CHN1: variants seen among roughly 807,000 people sequenced by gnomAD.
The protein encoded by CHN1 is chimerin 1, also known as N-chimaerin.
In CHN1, 37 loss-of-function variants were observed where a neutral mutation model predicts 59.5. The observed-to-expected ratio is 0.62, with a 90% CI of 0.48 to 0.82. The LOEUF (loss-of-function observed/expected upper bound fraction) is 0.82, where lower values mean the gene tolerates loss of function less well. Ranked by LOEUF, CHN1 falls within the 40% of genes least tolerant of loss-of-function variation. CHN1 has a pLI of 0.00. For synonymous variants in CHN1, 206 were observed against 200.4 expected (o/e 1.03, Z -0.24); for missense variants, 469 against 571.0 (o/e 0.82, Z 1.82).
At chr2:174,968,613 T>C (rs1032486798) in intron 1 of CHN1, among the ~76,000 whole-genome samples, 1 of 152,252 alleles carries the variant, frequency 6.6e-6, no homozygotes, top group Non-Finnish European at 1.5e-5. Flanking sequence ...TACTTGTTTT[T>C]CTTCCTGAGA....
At chr2:174,898,327 C>T (rs1001170951) in intron 5 of CHN1, among the ~76,000 whole-genome samples, 3 of 151,922 alleles carry the variant, frequency 2.0e-5, no homozygotes, top group South Asian at 2.1e-4. Flanking sequence ...TCTGGCCAGG[C>T]GCAGTGGCTC....
intron 7 of CHN1, among the ~76,000 whole-genome samples, chr2:174,840,207 C>G (rs1428516885): frequency 3.5e-5 from 4 of 113,872 alleles, no homozygotes; most frequent in African/African-American, 1.3e-4. Context: ...CCTGCTCTGT[C>G]TCCCAGGCTG....
chr2:174,897,569 TC>T (rs1218721673), intron 5 of CHN1, among the ~76,000 whole-genome samples: 1 of 151,494 alleles, frequency 6.6e-6, no homozygotes, highest in Non-Finnish European at 1.5e-5. Flanking sequence ...AATAAAGTAT[TC>T]CCCCCGCCTC....
chr2:174,929,444 G>A (rs113680343), intron 3 of CHN1, among the ~76,000 whole-genome samples: 4,261 of 152,082 alleles, frequency 0.028, 195 homozygotes, highest in African/African-American at 0.097. Flanking sequence ...CATGCATGGT[G>A]GCAAGTGCCT....
intron 8 of CHN1, among the ~76,000 whole-genome samples, chr2:174,818,632 T>C (rs1165516992): frequency 3.8e-5 from 5 of 131,960 alleles, no homozygotes; most frequent in African/African-American, 2.2e-4. Context: ...TTAAACCACA[T>C]TTTTTTTTAT....
At chr2:174,864,800 G>T (rs1219567925) in intron 6 of CHN1, among the ~76,000 whole-genome samples, 1 of 152,126 alleles carries the variant, frequency 6.6e-6, no homozygotes, top group African/African-American at 2.4e-5. Context: ...GAGTTATTGA[G>T]GCTACAGTGA....
At chr2:174,840,363 T>C (rs1489583237) in intron 7 of CHN1, among the ~76,000 whole-genome samples, 4 of 151,854 alleles carry the variant, frequency 2.6e-5, no homozygotes, top group Admixed American at 6.6e-5. Flanking sequence ...ACAAGGTCTC[T>C]CTATGTTGCC....
chr2:174,814,235 A>G (rs1685167499), intron 8 of CHN1, among the ~76,000 whole-genome samples: 1 of 152,182 alleles, frequency 6.6e-6, no homozygotes, highest in South Asian at 2.1e-4. Flanking sequence ...AAAAGTTATC[A>G]CCCCTAAGGA....
chr2:174,897,125 A>C (rs898155400), intron 5 of CHN1, among the ~76,000 whole-genome samples: 10 of 152,186 alleles, frequency 6.6e-5, no homozygotes, highest in Non-Finnish European at 1.3e-4. Context: ...AATGCTGGAT[A>C]ACCATTTGCA....
chr2:174,886,018 C>A lies in CHN1; in HGVS notation c.261-7890G>T, dbSNP rs535235569. Among the ~76,000 whole-genome samples the A allele has an allele frequency of 3.3e-5, 5 of 152,230 alleles. No individual in the cohort carries two copies. The South Asian group carries it at 1.0e-3, about 32-fold the overall frequency. The stretch of plus-strand genomic sequence containing the variant: ...AGTTGGTGATCAGTCCCATTAAAAG[C>A]TAATTGAAATCTTATTATAAATGAG... On this transcript the variant is annotated intron_variant, in intron 5 of 12. Transcript: ENST00000409900.
intron 5 of CHN1, among the ~76,000 whole-genome samples, chr2:174,883,367 A>C (rs1178784692): frequency 6.6e-6 from 1 of 152,200 alleles, no homozygotes; most frequent in African/African-American, 2.4e-5. Context: ...TAAATACCCA[A>C]AATTTAAATA....
At chr2:174,928,521 C>G (rs1256207863) in intron 3 of CHN1, among the ~76,000 whole-genome samples, 1 of 152,150 alleles carries the variant, frequency 6.6e-6, no homozygotes, top group Non-Finnish European at 1.5e-5. Flanking sequence ...AAAAGATAAT[C>G]TGAAGAACAG....
intron 3 of CHN1, among the ~76,000 whole-genome samples, chr2:174,933,473 G>C (rs1199897354): frequency 1.3e-5 from 2 of 152,064 alleles, no homozygotes; most frequent in Non-Finnish European, 2.9e-5. Context: ...GCTCCTAATG[G>C]GATGATGAGA....
At position 174,824,296 on chromosome 2, in the gene CHN1, A is replaced by T; in HGVS notation, c.712+138T>A. The T allele has an allele frequency of 4.0e-6, 2 of 501,428 alleles. 1 individual carries two copies. Among genetic ancestry groups the T allele is most frequent in the Admixed American group, 7.1e-5 (2 of 28,104 alleles). The allele number at this position is 501,428 out of a possible 1,614,324, so 31.1% of individuals were successfully genotyped here. ...ATCAAATTTCCAAAGTGGCTGCCTG[A>T]GAATCTGGCCTACTGCATGTGCATA... On this transcript the variant is annotated intron_variant, in intron 8 of 12. Transcript: ENST00000409900.
chr2:174,828,464 AG>A (rs1685766434), intron 7 of CHN1, among the ~76,000 whole-genome samples: 2 of 152,212 alleles, frequency 1.3e-5, no homozygotes. Context: ...ACTCAGAAAA[AG>A]GTATCTTTAA....
At chr2:174,968,882 T>C (rs1413956528) in intron 1 of CHN1, among the ~76,000 whole-genome samples, 1 of 152,224 alleles carries the variant, frequency 6.6e-6, no homozygotes, top group Admixed American at 6.5e-5. Flanking sequence ...GTCAAAGTAA[T>C]TTAATAACTC....
chr2:174,801,365 TTTC>T (rs1684715063), intron 12 of CHN1, among the ~76,000 whole-genome samples: 1 of 119,822 alleles, frequency 8.3e-6, no homozygotes, highest in African/African-American at 2.8e-5. Flanking sequence ...TGCAAGTTGC[TTTC>T]TTCTTGCTTT....
intron 6 of CHN1, among the ~76,000 whole-genome samples, chr2:174,864,557 A>G (rs1250701293): frequency 6.6e-6 from 1 of 152,168 alleles, no homozygotes; most frequent in Non-Finnish European, 1.5e-5. Context: ...TCATTCTACT[A>G]AGTATACTGC....
intron 6 of CHN1, among the ~76,000 whole-genome samples, chr2:174,867,335 T>A (rs1030556105): frequency 6.6e-6 from 1 of 151,122 alleles, no homozygotes; most frequent in African/African-American, 2.4e-5. Flanking sequence ...CGAGATTGTG[T>A]CAAACTGCAC....
Sources: gnomAD v4.1 joint callset for allele counts (sites outside exome capture counted in the v4.1 genomes callset) on GRCh38, gnomAD v4.1.1 for gene constraint, MANE v1.5 for transcripts, NCBI Gene and HGNC (gene_info 2026-07-23, HGNC 2026-07-21) for gene names.